WWP1: variants seen among roughly 807,000 people sequenced by gnomAD.
WWP1 encodes the protein WW domain containing E3 ubiquitin protein ligase 1.
WWP1 carries 49 observed loss-of-function variants against 130.6 expected under a neutral mutation model. The observed-to-expected ratio is 0.38, with a 90% CI of 0.30 to 0.48. The LOEUF is 0.48. Ranked by LOEUF, WWP1 falls within the 20% of genes least tolerant of loss-of-function variation. WWP1 has a pLI of 0.99. For synonymous variants in WWP1, 332 were observed against 367.8 expected (o/e 0.90, Z 1.11); for missense variants, 809 against 1,100.6 (o/e 0.74, Z 3.75).
At chr8:86,396,014 A>T (rs1329616674) in intron 5 of WWP1, among the ~76,000 whole-genome samples, 2 of 152,330 alleles carry the variant, frequency 1.3e-5, no homozygotes, top group African/African-American at 4.8e-5. Context: ...ATCATGAGAG[A>T]TGACAAGAAT....
At chr8:86,403,004 C>T (rs1233105673) in intron 8 of WWP1, among the ~76,000 whole-genome samples, 1 of 152,116 alleles carries the variant, frequency 6.6e-6, no homozygotes, top group East Asian at 1.9e-4. Flanking sequence ...GAAGGAATGC[C>T]TAAGGAAGAT....
At chr8:86,441,677 C>T (rs748682525) in intron 17 of WWP1, among the ~76,000 whole-genome samples, 1 of 152,228 alleles carries the variant, frequency 6.6e-6, no homozygotes, top group Non-Finnish European at 1.5e-5. Context: ...GTGTCCACCA[C>T]TGCCCAGTTG....
At chr8:86,355,048 T>C (rs747572158) in intron 1 of WWP1, among the ~76,000 whole-genome samples, 5 of 152,134 alleles carry the variant, frequency 3.3e-5, no homozygotes, top group Non-Finnish European at 5.9e-5. Flanking sequence ...AGAGTTGAAG[T>C]TTGCATGTAG....
At chr8:86,397,344 A>G (rs1807734065) in intron 5 of WWP1, among the ~76,000 whole-genome samples, 1 of 152,222 alleles carries the variant, frequency 6.6e-6, no homozygotes, top group Admixed American at 6.5e-5. Flanking sequence ...GACAAATTAT[A>G]GTTGTATATA....
rs373075087 is a variant in WWP1, at chr8:86,460,504, C to G, written c.2500-720C>G. 2.5e-4 allele frequency among the ~76,000 whole-genome samples: 38 copies of G among 152,246 alleles called. No individual in the cohort carries two copies. In the East Asian group the frequency reaches 2.7e-3, roughly 11 times the overall value. Reference sequence around the variant, plus strand: ...ATAGAATTGTTGTGAGAACTAAATCCATGAAAACCAGTGGCACACTATTTG... The same window carrying G: ...ATAGAATTGTTGTGAGAACTAAATCGATGAAAACCAGTGGCACACTATTTG... On this transcript the variant is annotated intron_variant, in intron 22 of 24. Transcript: ENST00000517970.
intron 18 of WWP1, 134 bp from the exon 19 acceptor site, chr8:86,448,014 T>C: frequency 1.3e-6 from 1 of 742,240 alleles, no homozygotes; most frequent in Admixed American, 3.7e-5. Flanking sequence ...ATATTTTAGT[T>C]TTCATGATTT....
chr8:86,383,240 T>C (rs1363345807), intron 5 of WWP1, among the ~76,000 whole-genome samples: 1 of 152,142 alleles, frequency 6.6e-6, no homozygotes, highest in Non-Finnish European at 1.5e-5. Context: ...AAGTAATAGA[T>C]TTTATAAGTA....
intron 1 of WWP1, among the ~76,000 whole-genome samples, chr8:86,349,316 G>A (rs778961397): frequency 1.3e-5 from 2 of 152,184 alleles, no homozygotes; most frequent in Non-Finnish European, 2.9e-5. Context: ...ACCGTGCCTG[G>A]TCTGCAACCA....
intron 22 of WWP1, among the ~76,000 whole-genome samples, chr8:86,459,241 G>T (rs1241177898): frequency 1.3e-5 from 2 of 151,650 alleles, no homozygotes; most frequent in East Asian, 3.9e-4. Context: ...TCACCATGTT[G>T]GCCAGGCTGG....
Position 86,411,793 on chromosome 8 carries a change from C to T in WWP1, c.980C>T (p.Ala327Val). 5 of 1,614,140 alleles carry T rather than the reference C, an allele frequency of 3.1e-6. No homozygotes were observed. Among genetic ancestry groups the T allele is most frequent in the Non-Finnish European group, 4.2e-6 (5 of 1,180,026 alleles). Residue 327 changes from alanine (A) to valine (V), a missense_variant, in exon 9 of 25, where the codon GCC (alanine) becomes GTC (valine). Ala to Val is a moderately conservative substitution (Grantham distance 64). Transcript: ENST00000517970. Reference protein sequence around the residue: ...NSRSSSAFEAAKSRQPDGCMD... With the variant: ...NSRSSSAFEAVKSRQPDGCMD... ...AGAAGTAGTTCTGCTTTTGAAGCAG[C>T]CAAATCAAGACAGCCAGATGGGTGT... is the stretch of plus-strand genomic sequence containing the variant.
intron 14 of WWP1, 125 bp downstream of exon 14, chr8:86,431,868 A>T: frequency 1.6e-6 from 2 of 1,217,850 alleles, no homozygotes; most frequent in Non-Finnish European, 2.3e-6. Context: ...TACACAAGTG[A>T]AACCTTAGTA....
chr8:86,381,431 A>G (rs963915634), intron 4 of WWP1, 74 bp from the exon 5 acceptor site: 3 of 1,499,844 alleles, frequency 2.0e-6, no homozygotes. Flanking sequence ...TAAATGCTTT[A>G]ATAGGAATTG....
chr8:86,436,138 T>C (rs1210302975), intron 16 of WWP1, among the ~76,000 whole-genome samples: 1 of 152,168 alleles, frequency 6.6e-6, no homozygotes, highest in Non-Finnish European at 1.5e-5. Context: ...ACTTATTGTA[T>C]CTCCATGTTA....
rs146123510 is a variant in WWP1, at chr8:86,428,244, C to T, written c.1332+427C>T. On this transcript the variant is annotated intron_variant, in intron 11 of 24. Coordinates refer to ENST00000517970, the MANE Select transcript of WWP1 (RefSeq NM_007013.4). ...TCTCTTCCCAGATTCTAAGAAGCAA[C>T]ACTCATCTGTTTTGCTCCATCAAAG... 1.2e-4 allele frequency among the ~76,000 whole-genome samples: 19 copies of T among 152,284 alleles called. No homozygotes were observed. The East Asian group carries it at 3.5e-3, about 28-fold the overall frequency.
chr8:86,363,515 C>G (rs1823788548), intron 1 of WWP1, among the ~76,000 whole-genome samples: 3 of 151,994 alleles, frequency 2.0e-5, no homozygotes, highest in East Asian at 1.9e-4. Context: ...AATTATATGT[C>G]TATGGGCCGA....
chr8:86,454,283 T>C (rs1312721735), intron 21 of WWP1, among the ~76,000 whole-genome samples: 1 of 152,142 alleles, frequency 6.6e-6, no homozygotes, highest in African/African-American at 2.4e-5. Context: ...ATACTATATT[T>C]TTAATTTTTT....
intron 2 of WWP1, among the ~76,000 whole-genome samples, chr8:86,372,914 C>T (rs1824410634): frequency 6.6e-6 from 1 of 152,050 alleles, no homozygotes; most frequent in Admixed American, 6.6e-5. Context: ...TGGGTTTGTT[C>T]TATTTTTCTC....
At chr8:86,466,680 A>T (rs1812178549) in intron 24 of WWP1, 114 bp from the exon 25 acceptor site, 1 of 553,172 alleles carries the variant, frequency 1.8e-6, no homozygotes, top group Non-Finnish European at 2.9e-6. Context: ...GCAAAATTTT[A>T]ACATATATAG....
chr8:86,378,837 G>A (rs939314369), intron 3 of WWP1, among the ~76,000 whole-genome samples: 2 of 152,150 alleles, frequency 1.3e-5, no homozygotes, highest in Non-Finnish European at 2.9e-5. Context: ...TATATAGTCA[G>A]TAATAATAGA....
Sources: gnomAD v4.1 joint callset for allele counts (sites outside exome capture counted in the v4.1 genomes callset) on GRCh38, gnomAD v4.1.1 for gene constraint, MANE v1.5 for transcripts, NCBI Gene and HGNC (gene_info 2026-07-23, HGNC 2026-07-21) for gene names.